Variants in TGIF1 observed in about 807,000 individuals in gnomAD.
The protein encoded by TGIF1 is TGFB induced factor homeobox 1, also known as homeobox protein TGIF1.
Under a neutral mutation model 19.3 loss-of-function variants are expected in TGIF1, and 4 were observed. The ratio of observed to expected loss-of-function variants is 0.21; its 90% confidence interval spans 0.10 to 0.47. The LOEUF is 0.47. Ranked by LOEUF, TGIF1 falls within the 20% of genes least tolerant of loss-of-function variation. TGIF1 has a pLI of 0.98. For synonymous variants in TGIF1, 122 were observed against 129.3 expected, an observed-to-expected ratio of 0.94 and a Z score of 0.38; for missense variants, 275 against 341.4, an observed-to-expected ratio of 0.81 and a Z score of 1.53.
upstream of TGIF1, among the ~76,000 whole-genome samples, chr18:3,445,447 G>A (rs1432744992): frequency 6.6e-6 from 1 of 151,998 alleles, no homozygotes; most frequent in African/African-American, 2.4e-5. Context: ...GAAGAAGGCC[G>A]GGCGTAGTGG....
At chr18:3,442,384 A>G (rs529787541) in intron 2 of TGIF1, among the ~76,000 whole-genome samples, 10 of 152,292 alleles carry the variant, frequency 6.6e-5, no homozygotes, top group African/African-American at 2.4e-4. Context: ...CTTTTATAAT[A>G]TAAATATAGT....
chr18:3,441,646 A>C (rs1003451787), intron 2 of TGIF1, among the ~76,000 whole-genome samples: 3 of 152,234 alleles, frequency 2.0e-5, no homozygotes, highest in African/African-American at 7.2e-5. Context: ...ACATAGGTGC[A>C]TTTTAAATTA....
intron 1 of TGIF1, chr18:3,453,686 CAAAAAAAAAAAAA>C (rs58332536): frequency 7.5e-6 from 2 of 266,062 alleles, no homozygotes; most frequent in South Asian, 1.7e-4. Flanking sequence ...AACTCTGTCT[CAAAAAAAAAAAAA>C]AAAAAAAAAG....
chr18:3,448,593 G>GT (rs2082795577), upstream of TGIF1: 2 of 985,418 alleles, frequency 2.0e-6, no homozygotes, highest in Non-Finnish European at 2.4e-6. Context: ...GAAAAAAATC[G>GT]TAAGGTTGCT....
intron 2 of TGIF1, among the ~76,000 whole-genome samples, chr18:3,431,393 G>A (rs746352048): frequency 1.3e-5 from 2 of 152,040 alleles, no homozygotes; most frequent in African/African-American, 2.4e-5. Flanking sequence ...CAGAGATTGT[G>A]CCATTGCACT....
chr18:3,441,111 C>T (rs575913809), intron 2 of TGIF1, among the ~76,000 whole-genome samples: 2 of 152,226 alleles, frequency 1.3e-5, no homozygotes, highest in Admixed American at 1.3e-4. Flanking sequence ...AAATACAAAT[C>T]TACAGGCTGT....
chr18:3,429,897 G>A (rs866058306), intron 2 of TGIF1, among the ~76,000 whole-genome samples: 1 of 152,258 alleles, frequency 6.6e-6, no homozygotes, highest in Non-Finnish European at 1.5e-5. Context: ...GCTTGTGCCT[G>A]TAATCCCAAC....
chr18:3,425,676 G>A lies in TGIF1; in HGVS notation c.-45+7461G>A, dbSNP rs532023677. On this transcript the variant is annotated intron_variant, in intron 2 of 3. Transcript: ENST00000401449. ...CTATGATTGCATCCCCAGCCAATCC[G>A]CATGGCCCCGTCCCTAGCCTCCTGC... Among the ~76,000 whole-genome samples, 8 of 152,042 alleles carry A rather than the reference G, an allele frequency of 5.3e-5. 1 individual carries two copies. In the South Asian group the frequency reaches 1.5e-3, roughly 28 times the overall value.
intron 2 of TGIF1, among the ~76,000 whole-genome samples, chr18:3,437,957 G>A (rs556359412): frequency 6.6e-5 from 10 of 152,156 alleles, no homozygotes; most frequent in African/African-American, 2.2e-4. Flanking sequence ...GGTGGTGCAC[G>A]CTTGTAATCC....
At chr18:3,428,859 C>T (rs544659658) in intron 2 of TGIF1, among the ~76,000 whole-genome samples, 2 of 152,122 alleles carry the variant, frequency 1.3e-5, no homozygotes, top group South Asian at 2.1e-4. Flanking sequence ...CTGGGCAACA[C>T]GGTGAAACCC....
intron 2 of TGIF1, among the ~76,000 whole-genome samples, chr18:3,426,460 C>T (rs66587611): frequency 0.097 from 14,680 of 152,094 alleles, 911 homozygotes; most frequent in Non-Finnish European, 0.13. Context: ...TGAGTCACTG[C>T]CCCTGGCCCA....
intron 2 of TGIF1, among the ~76,000 whole-genome samples, chr18:3,438,105 G>A (rs1220990364): frequency 1.3e-5 from 2 of 151,964 alleles, no homozygotes; most frequent in Non-Finnish European, 2.9e-5. Context: ...AGTGACAAGT[G>A]ACTAATTAAA....
At chr18:3,446,270 G>A (rs2082745213), upstream of TGIF1, among the ~76,000 whole-genome samples, 1 of 152,258 alleles carries the variant, frequency 6.6e-6, no homozygotes, top group African/African-American at 2.4e-5. Context: ...TGCAACCTCT[G>A]TCTCCCAGGT....
At chr18:3,450,622 G>C in intron 1 of TGIF1, 117 bp downstream of exon 1, 1 of 1,537,768 alleles carries the variant, frequency 6.5e-7, no homozygotes, top group South Asian at 1.2e-5. Context: ...TCTCATGCTG[G>C]AGTGGCGGCC....
upstream of TGIF1, among the ~76,000 whole-genome samples, chr18:3,445,729 A>C (rs2143258545): frequency 8.8e-6 from 1 of 113,086 alleles, no homozygotes; most frequent in Non-Finnish European, 1.7e-5. Flanking sequence ...GTCTCAAAAA[A>C]AAAAAAAAAA....
At chr18:3,453,127 C>G (rs1027397943) in intron 1 of TGIF1, among the ~76,000 whole-genome samples, 2 of 151,666 alleles carry the variant, frequency 1.3e-5, no homozygotes, top group African/African-American at 4.8e-5. Flanking sequence ...TCCTGGAGAC[C>G]GGGTCTGGCT....
chr18:3,454,392 A>G (rs2083097126), intron 1 of TGIF1, among the ~76,000 whole-genome samples: 1 of 152,078 alleles, frequency 6.6e-6, no homozygotes, highest in African/African-American at 2.4e-5. Flanking sequence ...AAAAAAAGGA[A>G]GGAGATAATA....
chr18:3,430,796 G>T (rs962583023), intron 2 of TGIF1, among the ~76,000 whole-genome samples: 1 of 151,650 alleles, frequency 6.6e-6, no homozygotes, highest in African/African-American at 2.4e-5. Flanking sequence ...ATAGGCACAA[G>T]CCACTGCACC....
At chr18:3,433,584 C>T (rs1467539047) in intron 2 of TGIF1, among the ~76,000 whole-genome samples, 1 of 152,082 alleles carries the variant, frequency 6.6e-6, no homozygotes, top group Non-Finnish European at 1.5e-5. Flanking sequence ...CGGAAAGCCT[C>T]CATGTTAGAA....
Sources: gnomAD v4.1 joint callset for allele counts (sites outside exome capture counted in the v4.1 genomes callset) on GRCh38, gnomAD v4.1.1 for gene constraint, MANE v1.5 for transcripts, NCBI Gene and HGNC (gene_info 2026-07-23, HGNC 2026-07-21) for gene names.